Variants in CRTAC1 observed in about 807,000 individuals in gnomAD.
CRTAC1 encodes cartilage acidic protein 1.
A neutral mutation model predicts 67.8 loss-of-function variants in CRTAC1; 37 were observed. That is an observed-to-expected ratio of 0.55 (90% confidence interval 0.42 to 0.72). The LOEUF is 0.72. CRTAC1 is among the 30% of genes least tolerant of loss of function. The pLI is 0.00. For synonymous variants in CRTAC1, 348 were observed against 371.0 expected (o/e 0.94, Z 0.71); for missense variants, 780 against 931.6 (o/e 0.84, Z 2.12).
Position 98,030,345 on chromosome 10 carries a change from C to CCGGGCGGCGTCCCCGCCACCCTTG in CRTAC1, c.24+80_24+103dup, listed in dbSNP as rs1396619418. 5.6e-6 allele frequency: 4 copies of CCGGGCGGCGTCCCCGCCACCCTTG among 719,242 alleles called. No individual in the cohort carries two copies. The highest frequency in any genetic ancestry group is 4.4e-5 in the Admixed American group (1 of 22,612). 44.6% of individuals were successfully genotyped at this position (719,242 alleles called of 1,614,324 possible). A position where few individuals can be genotyped will look rare whatever the true frequency, so the allele number is the denominator to read the frequency against. On this transcript the variant is annotated intron_variant, in intron 1 of 14. Coordinates refer to ENST00000370597, the MANE Select transcript of CRTAC1 (RefSeq NM_018058.7). This position sits in a 1 kb window ranked among gnomAD's most constrained non-coding sequence, Gnocchi z 4.2. ...TCGCGATCCCAGTCTTCCCGGGTTC[C>CCGGGCGGCGTCCCCGCCACCCTTG]CGGGCGGCGTCCCCGCCACCCTTGC... is the stretch of plus-strand genomic sequence containing the variant.
At chr10:97,868,763 G>A (rs1003300570) in intron 14 of CRTAC1, 2 of 152,236 alleles carry the variant, frequency 1.3e-5, no homozygotes, top group Non-Finnish European at 2.9e-5. Flanking sequence ...GTCCTGGGGA[G>A]GGGGTGAGGA....
intron 2 of CRTAC1, among the ~76,000 whole-genome samples, chr10:97,977,820 G>A (rs1405369547): frequency 6.6e-6 from 1 of 152,160 alleles, no homozygotes; most frequent in Admixed American, 6.5e-5. Context: ...GTAAATCAGA[G>A]TGGCAGGGAA....
At chr10:97,952,357 A>AAAAAT (rs1554925801) in intron 2 of CRTAC1, among the ~76,000 whole-genome samples, 1 of 150,392 alleles carries the variant, frequency 6.6e-6, no homozygotes, top group African/African-American at 2.5e-5. Context: ...ATCTCAAAAA[A>AAAAAT]AAATAAATAA....
chr10:97,902,321 C>T (rs1022326732), intron 7 of CRTAC1, among the ~76,000 whole-genome samples: 1 of 152,238 alleles, frequency 6.6e-6, no homozygotes, highest in African/African-American at 2.4e-5. Context: ...CACCACCTGC[C>T]TCAGGGAAGG....
chr10:97,873,284 C>T (rs2050112530), intron 14 of CRTAC1, among the ~76,000 whole-genome samples: 1 of 152,170 alleles, frequency 6.6e-6, no homozygotes, highest in Admixed American at 6.5e-5. Flanking sequence ...AGGATTTGTG[C>T]ACAGCTCTAA....
chr10:97,878,074 G>C (rs1241690480), intron 14 of CRTAC1, among the ~76,000 whole-genome samples: 1 of 152,226 alleles, frequency 6.6e-6, no homozygotes, highest in Non-Finnish European at 1.5e-5. Context: ...AAGGACTAGG[G>C]AATAGTCTGA....
At chr10:97,896,509 G>A (rs1191842978) in intron 9 of CRTAC1, among the ~76,000 whole-genome samples, 1 of 152,176 alleles carries the variant, frequency 6.6e-6, no homozygotes, top group South Asian at 2.1e-4. Flanking sequence ...CTGGCCCAGT[G>A]CTCTGTCTGA....
chr10:97,896,855 G>A (rs2050467037), intron 9 of CRTAC1, 54 bp downstream of exon 9: 15 of 860,920 alleles, frequency 1.7e-5, no homozygotes, highest in Middle Eastern at 3.2e-4. Flanking sequence ...TCACCCCAGT[G>A]TATGAACAGT....
chr10:98,019,693 C>T (rs1460388441), intron 1 of CRTAC1, among the ~76,000 whole-genome samples: 1 of 152,214 alleles, frequency 6.6e-6, no homozygotes, highest in Non-Finnish European at 1.5e-5. Flanking sequence ...CTGCAAGGGC[C>T]ACTCTGCCAT....
chr10:97,916,120 C>A (rs886198787), intron 5 of CRTAC1, among the ~76,000 whole-genome samples: 44 of 152,224 alleles, frequency 2.9e-4, no homozygotes, highest in African/African-American at 1.1e-3. Flanking sequence ...TCCTTGCCTC[C>A]CTTCCACCTT....
At chr10:97,882,743 T>C in intron 13 of CRTAC1, 43 bp downstream of exon 13, 5 of 1,609,274 alleles carry the variant, frequency 3.1e-6, no homozygotes, top group Admixed American at 1.7e-5. Context: ...CCCAGGGAGA[T>C]TCCGGCCTCT....
chr10:97,955,413 A>T (rs1055540717), intron 2 of CRTAC1, among the ~76,000 whole-genome samples: 4 of 152,190 alleles, frequency 2.6e-5, no homozygotes, highest in Admixed American at 2.6e-4. Context: ...AAGTCTTAAA[A>T]CCACCCCTGT....
intron 2 of CRTAC1, among the ~76,000 whole-genome samples, chr10:97,991,224 T>C (rs891622628): frequency 1.4e-5 from 2 of 148,070 alleles, no homozygotes; most frequent in African/African-American, 2.5e-5. Flanking sequence ...CTGGGTAACA[T>C]AGTGATACTC....
rs757267901 is a variant in CRTAC1 at position 97,991,099 on chromosome 10, C to CAAA, written c.224+20036_224+20038dup. On this transcript the variant is annotated intron_variant, in intron 2 of 14. Coordinates refer to ENST00000370597, the MANE Select transcript of CRTAC1 (RefSeq NM_018058.7). ...GGCAACATACGAGAAACCATCTCTA[C>CAAA]AAAAAAAAAAAAAAAAAAAAAAAAA... 4.7e-3 allele frequency among the ~76,000 whole-genome samples: 85 copies of CAAA among 17,964 alleles called. 8 individuals carry two copies. The highest frequency in any genetic ancestry group is 0.014 in the African/African-American group (76 of 5,334). The allele number at this position is 17,964 out of a possible 152,430, so 11.8% of individuals were successfully genotyped here. A position where few individuals can be genotyped will look rare whatever the true frequency, so the allele number is the denominator to read the frequency against.
At chr10:97,952,357 A>AAATAAAT (rs2051369490) in intron 2 of CRTAC1, among the ~76,000 whole-genome samples, 2 of 150,392 alleles carry the variant, frequency 1.3e-5, no homozygotes, top group Non-Finnish European at 3.0e-5. Flanking sequence ...ATCTCAAAAA[A>AAATAAAT]AAATAAATAA....
At chr10:97,896,828 C>A in intron 9 of CRTAC1, 81 bp downstream of exon 9, 1 of 588,650 alleles carries the variant, frequency 1.7e-6, no homozygotes, top group Non-Finnish European at 3.0e-6. Context: ...GGACTGGCTG[C>A]CCCGTCCCTC....
chr10:97,941,900 T>C (rs1448108437), intron 2 of CRTAC1, among the ~76,000 whole-genome samples: 1 of 152,230 alleles, frequency 6.6e-6, no homozygotes, highest in Non-Finnish European at 1.5e-5. Flanking sequence ...ACTCCTGGCC[T>C]TGGAGCCCGC....
chr10:97,944,220 G>A (rs1202113539), intron 2 of CRTAC1, among the ~76,000 whole-genome samples: 1 of 152,102 alleles, frequency 6.6e-6, no homozygotes, highest in Non-Finnish European at 1.5e-5. Context: ...CTGAGGTCAG[G>A]AGTTCAAGAC....
intron 1 of CRTAC1, among the ~76,000 whole-genome samples, chr10:98,014,263 T>TCCAG (rs1418370550): frequency 6.6e-6 from 1 of 152,196 alleles, no homozygotes; most frequent in Non-Finnish European, 1.5e-5. Flanking sequence ...TGGATCCCAC[T>TCCAG]CCAGACTTAA....
Sources: allele counts gnomAD v4.1 joint callset (sites outside exome capture counted in the v4.1 genomes callset), GRCh38; gene constraint gnomAD v4.1.1; non-coding constraint Gnocchi (gnomAD v3.1); transcripts MANE v1.5; gene names NCBI Gene and HGNC (gene_info 2026-07-23, HGNC 2026-07-21).